Variants in ATRNL1 observed in about 807,000 individuals in gnomAD.
The protein encoded by ATRNL1 is attractin-like protein 1.
A neutral mutation model predicts 182.7 loss-of-function variants in ATRNL1; 95 were observed. That is an observed-to-expected ratio of 0.52 (90% CI 0.44 to 0.62). The LOEUF is 0.62. Ranked by LOEUF, ATRNL1 falls within the 20% of genes least tolerant of loss-of-function variation. The pLI is 0.00. For synonymous variants in ATRNL1, 576 were observed against 568.3 expected (o/e 1.01, Z -0.19); for missense variants, 1,471 against 1,679.5 (o/e 0.88, Z 2.17).
chr10:115,315,127 C>A (rs1319478539), intron 17 of ATRNL1, among the ~76,000 whole-genome samples: 1 of 152,152 alleles, frequency 6.6e-6, no homozygotes, highest in Non-Finnish European at 1.5e-5. Context: ...AGAGTTCTTT[C>A]ATTGAATGTC....
At chr10:115,094,176 C>A (rs952449268) in intron 1 of ATRNL1, 133 bp downstream of exon 1, 3 of 981,046 alleles carry the variant, frequency 3.1e-6, no homozygotes, top group Non-Finnish European at 2.7e-6. Flanking sequence ...CCTCAGCGCG[C>A]GGCGGGAGCG....
At chr10:115,402,761 TC>T (rs1844625222) in intron 20 of ATRNL1, among the ~76,000 whole-genome samples, 1 of 152,134 alleles carries the variant, frequency 6.6e-6, no homozygotes, top group Admixed American at 6.6e-5. Context: ...TATAACTGGC[TC>T]CCCTTTTCTG....
chr10:115,499,389 G>T (rs1246472876), intron 24 of ATRNL1, among the ~76,000 whole-genome samples: 1 of 152,108 alleles, frequency 6.6e-6, no homozygotes, highest in African/African-American at 2.4e-5. Context: ...ACTATTTTAA[G>T]AGTTTTTACT....
At chr10:115,607,826 T>C (rs1856947546) in intron 26 of ATRNL1, among the ~76,000 whole-genome samples, 1 of 151,972 alleles carries the variant, frequency 6.6e-6, no homozygotes, top group African/African-American at 2.4e-5. Context: ...TCTAGTGATG[T>C]AATGTCATTA....
intron 25 of ATRNL1, among the ~76,000 whole-genome samples, chr10:115,522,690 A>G (rs1851006258): frequency 6.6e-6 from 1 of 152,182 alleles, no homozygotes; most frequent in African/African-American, 2.4e-5. Context: ...TCCAGAGTCC[A>G]AAGTCTCATC....
intron 10 of ATRNL1, among the ~76,000 whole-genome samples, chr10:115,242,787 A>G (rs1203519854): frequency 8.5e-5 from 13 of 152,072 alleles, no homozygotes; most frequent in African/African-American, 2.9e-4. Flanking sequence ...TAAGTAATGA[A>G]TGTCATTCTG....
intron 24 of ATRNL1, among the ~76,000 whole-genome samples, chr10:115,488,237 A>C (rs1406049447): frequency 6.6e-6 from 1 of 152,186 alleles, no homozygotes; most frequent in Non-Finnish European, 1.5e-5. Flanking sequence ...TGGCCTCTTA[A>C]AATGAGTTAG....
intron 28 of ATRNL1, among the ~76,000 whole-genome samples, chr10:115,910,863 A>G (rs1952653977): frequency 6.6e-6 from 1 of 152,196 alleles, no homozygotes. Context: ...AAGATAGTAA[A>G]TAACTACAGC....
At chr10:115,563,378 G>T (rs1853874143) in intron 26 of ATRNL1, among the ~76,000 whole-genome samples, 1 of 152,084 alleles carries the variant, frequency 6.6e-6, no homozygotes, top group Non-Finnish European at 1.5e-5. Flanking sequence ...TTCATTTAAA[G>T]AATTATGCCA....
At chr10:115,263,521 A>G (rs1851477679) in intron 10 of ATRNL1, among the ~76,000 whole-genome samples, 1 of 151,820 alleles carries the variant, frequency 6.6e-6, no homozygotes, top group Non-Finnish European at 1.5e-5. Context: ...ATTTACCTTC[A>G]TGTAGGTCTG....
chr10:115,887,612 G>A lies in ATRNL1; in HGVS notation c.4018+39621G>A, dbSNP rs560256695. On this transcript the variant is annotated intron_variant, in intron 28 of 28. Coordinates refer to ENST00000355044, the MANE Select transcript of ATRNL1 (RefSeq NM_207303.4). ...AGGTTTCACTACGTGAATTTAGGGG[G>A]CGGGGAGAGGCACAAACATTCAGGC... Among the ~76,000 whole-genome samples the A allele has an allele frequency of 3.3e-5, 5 of 151,688 alleles. No individual in the cohort carries two copies. The South Asian group carries it at 8.3e-4, about 25-fold the overall frequency.
Position 115,277,185 on chromosome 10 carries a change from A to G in ATRNL1, c.2101-4170A>G, listed in dbSNP as rs527655112. ...ATGAATCAGAACAAATAACAATAAGAAAGTATGTTTCTAATGAAAATGAAG... is the reference window on the plus strand; with the variant it reads ...ATGAATCAGAACAAATAACAATAAGGAAGTATGTTTCTAATGAAAATGAAG... On this transcript the variant is annotated intron_variant, in intron 13 of 28. Coordinates refer to ENST00000355044, the MANE Select transcript of ATRNL1 (RefSeq NM_207303.4). Among the ~76,000 whole-genome samples, 3 of 152,066 alleles carry G rather than the reference A, an allele frequency of 2.0e-5. No individual in the cohort carries two copies. In the South Asian group the frequency reaches 6.2e-4, roughly 31 times the overall value.
intron 1 of ATRNL1, among the ~76,000 whole-genome samples, chr10:115,119,338 G>GTA (rs1844625563): frequency 6.6e-6 from 1 of 151,456 alleles, no homozygotes; most frequent in Non-Finnish European, 1.5e-5. Context: ...GCCCTGATAT[G>GTA]TATATGTGTG....
intron 26 of ATRNL1, among the ~76,000 whole-genome samples, chr10:115,688,053 G>A (rs186064476): frequency 6.6e-6 from 1 of 152,090 alleles, no homozygotes; most frequent in African/African-American, 2.4e-5. Flanking sequence ...TTCTATAAGT[G>A]AGAACATGCA....
chr10:115,346,738 T>C (rs1554939845), intron 19 of ATRNL1, among the ~76,000 whole-genome samples: 1 of 152,022 alleles, frequency 6.6e-6, no homozygotes, highest in Admixed American at 6.6e-5. Context: ...TGGGCTTTTT[T>C]TGCTGTTGAA....
chr10:115,460,467 T>G (rs1442849368), intron 21 of ATRNL1, among the ~76,000 whole-genome samples: 1 of 152,186 alleles, frequency 6.6e-6, no homozygotes, highest in Non-Finnish European at 1.5e-5. Flanking sequence ...CATTCTTTTA[T>G]AGCTAATCCT....
At chr10:115,895,391 G>A (rs1952181771) in intron 28 of ATRNL1, among the ~76,000 whole-genome samples, 1 of 152,210 alleles carries the variant, frequency 6.6e-6, no homozygotes, top group African/African-American at 2.4e-5. Flanking sequence ...GCATACAGGA[G>A]CGTGTTGCAC....
At chr10:115,364,892 C>A (rs1156423795) in intron 19 of ATRNL1, among the ~76,000 whole-genome samples, 1 of 151,058 alleles carries the variant, frequency 6.6e-6, no homozygotes, top group African/African-American at 2.5e-5. Flanking sequence ...GGTGGATAAG[C>A]TTTTTGATGT....
intron 10 of ATRNL1, among the ~76,000 whole-genome samples, chr10:115,251,007 A>G (rs1301210477): frequency 6.6e-6 from 1 of 152,180 alleles, no homozygotes; most frequent in Non-Finnish European, 1.5e-5. Flanking sequence ...TGTGAATGCA[A>G]ACTATTTTTG....
Sources: gnomAD v4.1 joint callset for allele counts (sites outside exome capture counted in the v4.1 genomes callset) on GRCh38, gnomAD v4.1.1 for gene constraint, MANE v1.5 for transcripts, NCBI Gene and HGNC (gene_info 2026-07-23, HGNC 2026-07-21) for gene names.